Variants in KSR2 observed in about 807,000 individuals in gnomAD.
KSR2 encodes the protein kinase suppressor of ras 2.
A neutral mutation model predicts 107.8 loss-of-function variants in KSR2; 25 were observed. That is an observed-to-expected ratio of 0.23 (90% CI 0.17 to 0.32). The LOEUF (loss-of-function observed/expected upper bound fraction) is 0.32, where lower values mean the gene tolerates loss of function less well. Among genes scored for constraint, KSR2 ranks in the 10% least tolerant of loss-of-function variants. The pLI, the probability that KSR2 is intolerant of heterozygous loss-of-function variation, is 1.00. For synonymous variants in KSR2, 480 were observed against 507.0 expected (o/e 0.95, Z 0.71); for missense variants, 887 against 1,268.9 (o/e 0.70, Z 4.57).
At chr12:117,654,445 G>A (rs1884044756) in intron 5 of KSR2, among the ~76,000 whole-genome samples, 1 of 152,166 alleles carries the variant, frequency 6.6e-6, no homozygotes, top group Admixed American at 6.5e-5. Context: ...AGATGGTTCT[G>A]CACAATACGC....
chr12:117,818,109 A>T (rs1466717642), intron 3 of KSR2, among the ~76,000 whole-genome samples: 4 of 66,388 alleles, frequency 6.0e-5, no homozygotes, highest in Middle Eastern at 8.5e-3. Context: ...TCAAAAAAAT[A>T]AAAAAAAAAA....
At chr12:117,507,788 T>C (rs1030292132) in intron 14 of KSR2, among the ~76,000 whole-genome samples, 10 of 152,192 alleles carry the variant, frequency 6.6e-5, no homozygotes, top group Non-Finnish European at 5.9e-5. Flanking sequence ...TGATTGCTGA[T>C]AAATTGTTAT....
At chr12:117,777,088 T>TTATATATATATATATA (rs1288633301) in intron 3 of KSR2, among the ~76,000 whole-genome samples, 1,350 of 132,308 alleles carry the variant, frequency 0.01, 23 homozygotes, top group African/African-American at 0.031. Flanking sequence ...TATATATATT[T>TTATATATATATATATA]TATATATATA....
chr12:117,596,174 C>T (rs185758929), intron 5 of KSR2, among the ~76,000 whole-genome samples: 1 of 152,170 alleles, frequency 6.6e-6, no homozygotes, highest in Admixed American at 6.5e-5. Flanking sequence ...CTGGGGAGGC[C>T]TCACAATCAT....
intron 1 of KSR2, among the ~76,000 whole-genome samples, chr12:117,906,766 C>G (rs1248080961): frequency 1.3e-5 from 2 of 152,168 alleles, no homozygotes; most frequent in Admixed American, 6.5e-5. Flanking sequence ...ACATCACTGG[C>G]CGGGCATGGT....
chr12:117,846,277 A>G (rs1247628946), intron 3 of KSR2, among the ~76,000 whole-genome samples: 2 of 148,168 alleles, frequency 1.3e-5, no homozygotes, highest in Non-Finnish European at 3.0e-5. Flanking sequence ...CTTGCATAAA[A>G]CCTATTACCA....
chr12:117,530,837 A>C (rs1875570528), intron 12 of KSR2, 104 bp downstream of exon 12: 1 of 990,300 alleles, frequency 1.0e-6, no homozygotes, highest in African/African-American at 1.6e-5. Context: ...CCCCAACTCC[A>C]TCAGTTCCAG....
intron 3 of KSR2, among the ~76,000 whole-genome samples, chr12:117,854,678 G>C (rs1250045102): frequency 6.6e-6 from 1 of 152,150 alleles, no homozygotes; most frequent in Admixed American, 6.5e-5. Flanking sequence ...GATCCCTTGG[G>C]ACAGAAAGGC....
chr12:117,923,269 GA>G (rs199868442), intron 1 of KSR2, among the ~76,000 whole-genome samples: 2 of 152,136 alleles, frequency 1.3e-5, no homozygotes, highest in East Asian at 3.8e-4. Context: ...TCTTTAAACA[GA>G]AACACGTATA....
At chr12:117,510,803 G>A (rs1401977193) in intron 14 of KSR2, among the ~76,000 whole-genome samples, 5 of 150,920 alleles carry the variant, frequency 3.3e-5, no homozygotes, top group Non-Finnish European at 4.4e-5. Context: ...GTTTGAACCT[G>A]GCAGGTGGAG....
In KSR2 at chr12:117,641,960, A is replaced by T. The variant is rs556259600; in HGVS notation, c.1171+25514T>A. On this transcript the variant is annotated intron_variant, in intron 5 of 19. Transcript: ENST00000339824. ...TCCACAGAATCTTCCGTGTTCCTGA[A>T]ACCTGCCAAGCTCTTTCAGCAGAGG... Among the ~76,000 whole-genome samples, 73 of 152,288 alleles carry T rather than the reference A, an allele frequency of 4.8e-4. 2 individuals are homozygous for T. Among genetic ancestry groups the T allele is most frequent in the African/African-American group, 1.3e-3 (56 of 41,554 alleles).
intron 3 of KSR2, among the ~76,000 whole-genome samples, chr12:117,792,918 A>G (rs1374727659): frequency 6.6e-6 from 1 of 150,848 alleles, no homozygotes; most frequent in Non-Finnish European, 1.5e-5. Flanking sequence ...CAACATGCAC[A>G]CACCCTCACA....
intron 14 of KSR2, among the ~76,000 whole-genome samples, chr12:117,500,511 T>C (rs1230044533): frequency 1.3e-5 from 2 of 152,186 alleles, no homozygotes; most frequent in Admixed American, 1.3e-4. Flanking sequence ...GGAGTTCAGG[T>C]CATTTGCCAA....
chr12:117,958,619 A>G (rs1484760351), intron 1 of KSR2, among the ~76,000 whole-genome samples: 2 of 152,136 alleles, frequency 1.3e-5, no homozygotes, highest in African/African-American at 4.8e-5. Flanking sequence ...TGAGGAGTTC[A>G]AGACCAGCCT....
chr12:117,928,273 C>G (rs1566085957), intron 1 of KSR2, among the ~76,000 whole-genome samples: 1 of 151,788 alleles, frequency 6.6e-6, no homozygotes, highest in Non-Finnish European at 1.5e-5. Flanking sequence ...TCTGCTGCCT[C>G]CTGGGCTCAA....
At chr12:117,537,137 C>T (rs572969125) in intron 10 of KSR2, among the ~76,000 whole-genome samples, 236 of 152,238 alleles carry the variant, frequency 1.6e-3, no homozygotes, top group Non-Finnish European at 2.6e-3. Context: ...TGCTTGAACC[C>T]GGGAGGTGGA....
At chr12:117,711,969 T>G (rs1886801153) in intron 4 of KSR2, among the ~76,000 whole-genome samples, 1 of 152,180 alleles carries the variant, frequency 6.6e-6, no homozygotes, top group Non-Finnish European at 1.5e-5. Flanking sequence ...GAGGCAGAGC[T>G]GGCCTCAGGG....
chr12:117,539,912 G>A (rs1256071011), intron 9 of KSR2, 25 bp from the exon 10 acceptor site: 5 of 1,579,808 alleles, frequency 3.2e-6, no homozygotes, highest in East Asian at 2.4e-5. Context: ...CAGGGTAGGA[G>A]TCAGGGACAG....
intron 13 of KSR2, among the ~76,000 whole-genome samples, chr12:117,526,767 C>T (rs979434135): frequency 2.6e-5 from 4 of 152,288 alleles, no homozygotes; most frequent in South Asian, 2.1e-4. Context: ...TTGAAGGCAG[C>T]GGGGCACATC....
Sources: allele counts gnomAD v4.1 joint callset (sites outside exome capture counted in the v4.1 genomes callset), GRCh38; gene constraint gnomAD v4.1.1; transcripts MANE v1.5; gene names NCBI Gene and HGNC (gene_info 2026-07-23, HGNC 2026-07-21).